TAFA1: variants seen among roughly 807,000 people sequenced by gnomAD.
TAFA1 encodes chemokine-like protein TAFA-1.
In TAFA1, 4 loss-of-function variants were observed where a neutral mutation model predicts 18.5. The observed-to-expected ratio is 0.22, with a 90% CI of 0.11 to 0.49. TAFA1 has a LOEUF of 0.49. Ranked by LOEUF, TAFA1 falls within the 20% of genes least tolerant of loss-of-function variation. The pLI, the probability that TAFA1 is intolerant of heterozygous loss-of-function variation, is 0.98. For synonymous variants in TAFA1, 56 were observed against 55.2 expected (o/e 1.01, Z -0.06); for missense variants, 147 against 169.0 (o/e 0.87, Z 0.72).
At chr3:68,135,118 G>T (rs76622458) in intron 2 of TAFA1, among the ~76,000 whole-genome samples, 2,519 of 152,236 alleles carry the variant, frequency 0.017, 79 homozygotes, top group African/African-American at 0.056. Flanking sequence ...AAGCAAAAAG[G>T]TCTCATTTCA....
intron 2 of TAFA1, among the ~76,000 whole-genome samples, chr3:68,216,180 A>C (rs1050986898): frequency 2.0e-5 from 3 of 152,052 alleles, no homozygotes; most frequent in Non-Finnish European, 4.4e-5. Flanking sequence ...GAATAGGTGG[A>C]GCAGAGAAGA....
rs772506880 is a variant in TAFA1 at position 68,069,609 on chromosome 3, G to A, written c.118+62865G>A. Among the ~76,000 whole-genome samples, 90 of 151,962 alleles carry A rather than the reference G, an allele frequency of 5.9e-4. 1 individual carries two copies. The highest frequency in any genetic ancestry group is 3.4e-4 in the Non-Finnish European group (23 of 68,008). On this transcript the variant is annotated intron_variant, in intron 2 of 4. Transcript: ENST00000478136. ...TTCCCTCACAGTCTTAACTTATTTC[G>A]GCATTAACTCAAAAGTTCACAGTCC... is the stretch of plus-strand genomic sequence containing the variant.
At chr3:68,484,616 T>A (rs2072303598) in intron 3 of TAFA1, among the ~76,000 whole-genome samples, 1 of 152,006 alleles carries the variant, frequency 6.6e-6, no homozygotes, top group African/African-American at 2.4e-5. Context: ...AATGAGGAGT[T>A]TGGGTTTAGA....
chr3:68,240,610 C>A (rs2066984450), intron 2 of TAFA1, among the ~76,000 whole-genome samples: 1 of 152,112 alleles, frequency 6.6e-6, no homozygotes, highest in South Asian at 2.1e-4. Flanking sequence ...TAAACAGGAA[C>A]CATTCTGTGA....
intron 2 of TAFA1, among the ~76,000 whole-genome samples, chr3:68,021,773 TGA>T (rs1373411315): frequency 6.6e-6 from 1 of 152,190 alleles, no homozygotes; most frequent in East Asian, 1.9e-4. Flanking sequence ...TGAGCTAGTG[TGA>T]GAGAGTAGCC....
At chr3:68,033,746 A>G (rs1040556663) in intron 2 of TAFA1, among the ~76,000 whole-genome samples, 2 of 152,232 alleles carry the variant, frequency 1.3e-5, no homozygotes, top group Non-Finnish European at 1.5e-5. Flanking sequence ...GAACTGGAAT[A>G]TATGTTTTCC....
At chr3:68,463,935 A>C (rs1355785693) in intron 3 of TAFA1, among the ~76,000 whole-genome samples, 1 of 152,204 alleles carries the variant, frequency 6.6e-6, no homozygotes, top group Non-Finnish European at 1.5e-5. Flanking sequence ...AGTGAGCTAC[A>C]TGGATTAAAA....
intron 2 of TAFA1, among the ~76,000 whole-genome samples, chr3:68,173,028 TG>T (rs2066077148): frequency 6.6e-6 from 1 of 152,120 alleles, no homozygotes; most frequent in African/African-American, 2.4e-5. Context: ...AGGGAAAATC[TG>T]AGGATTTTTT....
At chr3:68,487,221 G>C (rs957152540) in intron 3 of TAFA1, among the ~76,000 whole-genome samples, 1 of 152,162 alleles carries the variant, frequency 6.6e-6, no homozygotes, top group Non-Finnish European at 1.5e-5. Context: ...GATAGTACTT[G>C]ATAGCAAAAT....
At chr3:68,112,108 A>G (rs1032172015) in intron 2 of TAFA1, among the ~76,000 whole-genome samples, 1 of 151,546 alleles carries the variant, frequency 6.6e-6, no homozygotes, top group Non-Finnish European at 1.5e-5. Context: ...AAAAAATGCT[A>G]TACTCATATA....
At chr3:68,350,194 A>G (rs962467612) in intron 2 of TAFA1, among the ~76,000 whole-genome samples, 6 of 152,166 alleles carry the variant, frequency 3.9e-5, no homozygotes, top group African/African-American at 1.4e-4. Flanking sequence ...TTGTTTGATG[A>G]AGCACTGCTT....
intron 2 of TAFA1, among the ~76,000 whole-genome samples, chr3:68,389,452 T>A (rs1478280067): frequency 6.6e-6 from 1 of 152,206 alleles, no homozygotes; most frequent in Non-Finnish European, 1.5e-5. Flanking sequence ...TGCAAGAATA[T>A]CAATAGAAGA....
At chr3:68,460,707 T>A (rs936525075) in intron 3 of TAFA1, among the ~76,000 whole-genome samples, 2 of 152,118 alleles carry the variant, frequency 1.3e-5, no homozygotes, top group African/African-American at 4.8e-5. Context: ...GAGTGGCTCG[T>A]TAACACACAG....
At position 68,202,071 on chromosome 3, in the gene TAFA1, A is replaced by G. The variant is rs6802563; in HGVS notation, c.118+195327A>G. On this transcript the variant is annotated intron_variant, in intron 2 of 4. Transcript: ENST00000478136. ...TGAAAGCAGAAGCCTCATGACCCAAACACTTCCCACTAAGTCCCATCTCCT... is the reference window on the plus strand; with the variant it reads ...TGAAAGCAGAAGCCTCATGACCCAAGCACTTCCCACTAAGTCCCATCTCCT... Among the ~76,000 whole-genome samples, 744 of 151,792 alleles carry G rather than the reference A, an allele frequency of 4.9e-3. 10 individuals carry two copies. Among genetic ancestry groups the G allele is most frequent in the African/African-American group, 0.017 (713 of 41,482 alleles).
intron 2 of TAFA1, among the ~76,000 whole-genome samples, chr3:68,347,065 A>T (rs949815566): frequency 6.6e-6 from 1 of 152,054 alleles, no homozygotes; most frequent in African/African-American, 2.4e-5. Flanking sequence ...CTTTCATCTT[A>T]TGTCACCTAC....
At chr3:68,087,956 G>T (rs1054224989) in intron 2 of TAFA1, among the ~76,000 whole-genome samples, 1 of 151,968 alleles carries the variant, frequency 6.6e-6, no homozygotes, top group African/African-American at 2.4e-5. Flanking sequence ...CTGTGTGCCA[G>T]GTTCTGGGAC....
intron 3 of TAFA1, among the ~76,000 whole-genome samples, chr3:68,517,417 A>T (rs972905788): frequency 2.6e-5 from 4 of 152,190 alleles, no homozygotes; most frequent in African/African-American, 9.7e-5. Flanking sequence ...TCTTTTAGTC[A>T]TGGCCTTATG....
chr3:68,046,671 A>C (rs570940325), intron 2 of TAFA1, among the ~76,000 whole-genome samples: 2 of 152,300 alleles, frequency 1.3e-5, no homozygotes, highest in African/African-American at 4.8e-5. Context: ...TTTAATTCAC[A>C]TAACACTTTA....
chr3:68,082,128 C>T (rs1007860988), intron 2 of TAFA1, among the ~76,000 whole-genome samples: 2 of 152,216 alleles, frequency 1.3e-5, no homozygotes, highest in Non-Finnish European at 2.9e-5. Context: ...ACTCCCTGAC[C>T]CCTTGCGCTT....
Sources: gnomAD v4.1 joint callset for allele counts (sites outside exome capture counted in the v4.1 genomes callset) on GRCh38, gnomAD v4.1.1 for gene constraint, MANE v1.5 for transcripts, NCBI Gene and HGNC (gene_info 2026-07-23, HGNC 2026-07-21) for gene names.